The following KLHL6 variants were observed in gnomAD, a reference collection of about 807,000 sequenced individuals.
KLHL6 encodes kelch like family member 6, also known as kelch-like protein 6.
KLHL6 carries 41 observed loss-of-function variants against 58.6 expected under a neutral mutation model. The observed-to-expected ratio is 0.70, with a 90% CI of 0.55 to 0.91. The LOEUF (loss-of-function observed/expected upper bound fraction) is 0.91. Among genes scored for constraint, KLHL6 ranks in the 40% least tolerant of loss-of-function variants. The pLI is 0.00. For missense variants in KLHL6, 714 were observed against 805.6 expected (o/e 0.89, Z 1.38); for synonymous variants, 338 against 322.7 (o/e 1.05, Z -0.51).
chr3:183,494,300 A>T lies in KLHL6; in HGVS notation c.1148-19T>A, dbSNP rs1004115881. 1 of 1,593,522 alleles carries T rather than the reference A, an allele frequency of 6.3e-7. No homozygotes were observed. Among genetic ancestry groups the T allele is most frequent in the Non-Finnish European group, 8.6e-7 (1 of 1,161,682 alleles). On this transcript the variant is annotated intron_variant, in intron 4 of 6. Transcript: ENST00000341319. The stretch of plus-strand genomic sequence containing the variant: ...TTGCCACCTGCAAGAGATACAAAGC[A>T]TTTAAGAAACCATCAGATGTGTCAG...
intron 1 of KLHL6, among the ~76,000 whole-genome samples, chr3:183,530,906 A>G (rs1195849229): frequency 6.8e-6 from 1 of 146,358 alleles, no homozygotes; most frequent in East Asian, 2.0e-4. Context: ...ATCTCGGCTC[A>G]CTGCAACCTC....
rs199972518 is a variant in KLHL6 at position 183,491,902 on chromosome 3, G to C, written c.*25C>G. 9.8e-5 allele frequency: 143 copies of C among 1,458,292 alleles called. No homozygotes were observed. Among genetic ancestry groups the C allele is most frequent in the Admixed American group, 3.6e-4 (14 of 38,942 alleles). 90.3% of individuals were successfully genotyped at this position (1,458,292 alleles called of 1,614,324 possible). On this transcript the variant is annotated 3_prime_UTR_variant, in exon 7 of 7. Coordinates refer to ENST00000341319, the MANE Select transcript of KLHL6 (RefSeq NM_130446.4). ...AGGCGGGTACGCTGAGGGTCGGGGG[G>C]GCTCTCCAGCTCCCCATCCTGCCGT...
intron 2 of KLHL6, among the ~76,000 whole-genome samples, chr3:183,519,808 A>G (rs1711691474): frequency 1.3e-5 from 2 of 150,488 alleles, no homozygotes; most frequent in Non-Finnish European, 1.5e-5. Context: ...AGGTAGGAAA[A>G]TCTCTTGAGC....
At position 183,487,803 on chromosome 3, in the gene KLHL6, G is replaced by A. The variant is rs1178230459; in HGVS notation, c.*4124C>T. ...CTAAAAGGTTAACTTGTCAAATTAT[G>A]AGATCTAATACAACACCCAGGTATT... On this transcript the variant is annotated 3_prime_UTR_variant, in exon 7 of 7. Transcript: ENST00000341319. 1 of 152,172 alleles carries A rather than the reference G, an allele frequency of 6.6e-6. No individual in the cohort carries two copies. 9.4% of individuals were successfully genotyped at this position (152,172 alleles called of 1,614,324 possible). A position where few individuals can be genotyped will look rare whatever the true frequency, so the allele number is the denominator to read the frequency against.
At chr3:183,539,644 G>C (rs564717247) in intron 1 of KLHL6, among the ~76,000 whole-genome samples, 2 of 151,790 alleles carry the variant, frequency 1.3e-5, no homozygotes, top group African/African-American at 4.9e-5. Flanking sequence ...GGGAGGCAGA[G>C]GTTGCAGTGA....
intron 1 of KLHL6, among the ~76,000 whole-genome samples, chr3:183,552,933 G>T (rs574171137): frequency 6.6e-6 from 1 of 152,206 alleles, no homozygotes; most frequent in East Asian, 1.9e-4. Context: ...GTAGGCTGGG[G>T]ATAGGACTCC....
intron 3 of KLHL6, among the ~76,000 whole-genome samples, chr3:183,500,384 A>T (rs1381958129): frequency 6.6e-6 from 1 of 152,240 alleles, no homozygotes; most frequent in Non-Finnish European, 1.5e-5. Flanking sequence ...TGGTTCCAAC[A>T]TACAGCATAT....
intron 1 of KLHL6, among the ~76,000 whole-genome samples, chr3:183,551,075 A>C (rs182318255): frequency 6.7e-6 from 1 of 149,654 alleles, no homozygotes; most frequent in Non-Finnish European, 1.5e-5. Context: ...GAGCGGAGAT[A>C]CTGCCACTGC....
intron 1 of KLHL6, among the ~76,000 whole-genome samples, chr3:183,547,472 A>G (rs1403654204): frequency 6.6e-6 from 1 of 152,158 alleles, no homozygotes; most frequent in Non-Finnish European, 1.5e-5. Context: ...CATAGTTTAC[A>G]TGCAATTTTG....
In KLHL6 at chr3:183,499,558, G is replaced by A; in HGVS notation, c.1147+32C>T. 6.8e-7 allele frequency: 1 copy of A among 1,467,368 alleles called. No individual in the cohort carries two copies. The highest frequency in any genetic ancestry group is 9.3e-7 in the Non-Finnish European group (1 of 1,071,628). The allele number at this position is 1,467,368 out of a possible 1,614,324, so 90.9% of individuals were successfully genotyped here. A position where few individuals can be genotyped will look rare whatever the true frequency, so the allele number is the denominator to read the frequency against. On this transcript the variant is annotated intron_variant, in intron 4 of 6. Coordinates refer to ENST00000341319, the MANE Select transcript of KLHL6 (RefSeq NM_130446.4). This position sits in a 1 kb window ranked among gnomAD's most constrained non-coding sequence, Gnocchi z 4.6. ...CAGGAATATATGTAGTGCTACTGGA[G>A]CTTGCTTTGCCTTTACATGACTCCT...
At chr3:183,533,254 T>G (rs1319089921) in intron 1 of KLHL6, among the ~76,000 whole-genome samples, 1 of 151,720 alleles carries the variant, frequency 6.6e-6, no homozygotes, top group East Asian at 1.9e-4. Flanking sequence ...TCATCAGTTC[T>G]TTCCTTCCTT....
chr3:183,548,220 C>T (rs1423449602), intron 1 of KLHL6, among the ~76,000 whole-genome samples: 4 of 152,176 alleles, frequency 2.6e-5, no homozygotes, highest in Non-Finnish European at 5.9e-5. Context: ...GAAACTGGTT[C>T]TCACCATTTG....
At chr3:183,535,056 T>G (rs990059880) in intron 1 of KLHL6, among the ~76,000 whole-genome samples, 1 of 151,826 alleles carries the variant, frequency 6.6e-6, no homozygotes, top group Non-Finnish European at 1.5e-5. Flanking sequence ...GCGATTCTCC[T>G]GCCTCAGCCT....
intron 1 of KLHL6, among the ~76,000 whole-genome samples, chr3:183,529,533 G>A (rs952156355): frequency 6.6e-6 from 1 of 152,064 alleles, no homozygotes; most frequent in East Asian, 1.9e-4. Flanking sequence ...TAGCAAGAAT[G>A]CATGAATTAA....
At chr3:183,545,223 C>T (rs570396334) in intron 1 of KLHL6, among the ~76,000 whole-genome samples, 2 of 152,244 alleles carry the variant, frequency 1.3e-5, no homozygotes, top group South Asian at 2.1e-4. Context: ...TCCTATCCCT[C>T]GAAACCAAAA....
chr3:183,498,104 C>T (rs994498629), intron 4 of KLHL6, among the ~76,000 whole-genome samples: 3 of 151,972 alleles, frequency 2.0e-5, no homozygotes, highest in Admixed American at 6.6e-5. Flanking sequence ...TGTGGTGCCA[C>T]GTGCCTGTAA....
At chr3:183,551,045 C>A (rs752942937) in intron 1 of KLHL6, among the ~76,000 whole-genome samples, 1 of 150,638 alleles carries the variant, frequency 6.6e-6, no homozygotes, top group Non-Finnish European at 1.5e-5. Flanking sequence ...GGCATGAACC[C>A]AGGAGGCGGA....
chr3:183,513,646 C>T (rs1011522287), intron 2 of KLHL6, among the ~76,000 whole-genome samples: 3 of 152,168 alleles, frequency 2.0e-5, no homozygotes, highest in African/African-American at 7.2e-5. Context: ...ATCTTCACTC[C>T]ACCTGGCAAT....
rs1406712670 is a variant in KLHL6, at chr3:183,492,219, A to G, written c.1574T>C (p.Met525Thr). 1 of 1,601,080 alleles carries G rather than the reference A, an allele frequency of 6.2e-7. No individual in the cohort carries two copies. Among genetic ancestry groups the G allele is most frequent in the Non-Finnish European group, 8.5e-7 (1 of 1,171,752 alleles). ...CGGGCTGTAGGCGTACAGCGCTCTC[A>G]TGGCCCCACCTGAGGAGAGGGAGGA... ...RDRIYVVGGA[M>T]RALYAYSPLE... Residue 525 changes from methionine (M) to threonine (T), a missense_variant, in exon 7 of 7, where the codon ATG becomes ACG. By Grantham distance (81) the Met-to-Thr change is moderately conservative. This residue lies in a region of KLHL6 where 510 missense variants were observed against 629.7 expected (regional missense o/e 0.81). Coordinates refer to ENST00000341319, the MANE Select transcript of KLHL6 (RefSeq NM_130446.4). This position sits in a 1 kb window ranked among gnomAD's most constrained non-coding sequence, Gnocchi z 5.9.
Sources: gnomAD v4.1 joint callset for allele counts (sites outside exome capture counted in the v4.1 genomes callset) on GRCh38, gnomAD v4.1.1 for gene constraint, gnomAD v4.1.1 regional missense constraint, Gnocchi (gnomAD v3.1) non-coding constraint, MANE v1.5 for transcripts, NCBI Gene and HGNC (gene_info 2026-07-23, HGNC 2026-07-21) for gene names.